The following TNFSF4 variants were observed in gnomAD, a reference collection of about 807,000 sequenced individuals.
The protein encoded by TNFSF4 is TNF superfamily member 4, also known as tumor necrosis factor ligand superfamily member 4.
TNFSF4 carries 4 observed loss-of-function variants against 7.3 expected under a neutral mutation model. The ratio of observed to expected loss-of-function variants is 0.55; its 90% CI spans 0.27 to 1.25. The LOEUF is 1.25. TNFSF4 is among the 50% of genes most tolerant of loss of function. The pLI is 0.12. For synonymous variants in TNFSF4, 76 were observed against 83.7 expected, an observed-to-expected ratio of 0.91 and a Z score of 0.50; for missense variants, 181 against 208.8, an observed-to-expected ratio of 0.87 and a Z score of 0.82.
rs751430969 is a variant in TNFSF4, at chr1:173,207,086, T to C, written c.91A>G (p.Ile31Val). The change falls in exon 1 of 3, where the codon ATT (isoleucine) becomes GTT (valine). Residue 31 changes from isoleucine (I) to valine (V), a missense_variant. By Grantham distance (29) the Ile-to-Val change is conservative. Coordinates refer to ENST00000281834, the MANE Select transcript of TNFSF4 (RefSeq NM_003326.5). ...CACAGGAGCAGCCCCAGTCCCTGAA[T>C]TACAGAGGCCACCAGCAATAGCTTG... ...RNKLLLVASV[I>V]QGLGLLLCFT... The C allele has an allele frequency of 4.3e-6, 7 of 1,613,766 alleles. No individual in the cohort carries two copies. In the East Asian group the frequency reaches 1.3e-4, roughly 31 times the overall value.
At chr1:173,412,359 C>T in the TNFSF4 span, among the ~76,000 whole-genome samples, 1 of 152,198 alleles carries the variant, frequency 6.6e-6, no homozygotes, top group Non-Finnish European at 1.5e-5. Context: ...GCAACAAAAA[C>T]ATTTTACTTC....
chr1:173,339,010 C>A, the TNFSF4 span, among the ~76,000 whole-genome samples: 2 of 152,066 alleles, frequency 1.3e-5, no homozygotes, highest in African/African-American at 4.8e-5. Flanking sequence ...TTAAGGTCAG[C>A]GGAAAACTAC....
At chr1:173,202,164 G>A (rs1011285539) in intron 1 of TNFSF4, among the ~76,000 whole-genome samples, 2 of 152,020 alleles carry the variant, frequency 1.3e-5, no homozygotes, top group African/African-American at 2.4e-5. Flanking sequence ...CTCAGTACTA[G>A]TAACCAGCAG....
At chr1:173,228,692 G>C in the TNFSF4 span, among the ~76,000 whole-genome samples, 1 of 152,168 alleles carries the variant, frequency 6.6e-6, no homozygotes, top group Non-Finnish European at 1.5e-5. Context: ...AAAAAGATTA[G>C]ATGAATGGCA....
At chr1:173,410,547 T>C in the TNFSF4 span, among the ~76,000 whole-genome samples, 2 of 152,364 alleles carry the variant, frequency 1.3e-5, no homozygotes, top group East Asian at 1.9e-4. Context: ...TGGTACCACC[T>C]TATTACTACC....
At chr1:173,400,450 TC>T in the TNFSF4 span, among the ~76,000 whole-genome samples, 1 of 152,204 alleles carries the variant, frequency 6.6e-6, no homozygotes. Flanking sequence ...AATGTTTCCT[TC>T]CTGTTCCTTC....
the TNFSF4 span, among the ~76,000 whole-genome samples, chr1:173,370,532 CCTT>C: frequency 1.0e-3 from 159 of 152,182 alleles, no homozygotes; most frequent in South Asian, 2.1e-4. Flanking sequence ...AGAAGAAAAT[CCTT>C]CTGCCTCCCT....
At chr1:173,374,457 T>C in the TNFSF4 span, among the ~76,000 whole-genome samples, 2 of 152,178 alleles carry the variant, frequency 1.3e-5, no homozygotes, top group African/African-American at 2.4e-5. Context: ...AGTTAAACTT[T>C]GGACACCCCC....
intron 1 of TNFSF4, among the ~76,000 whole-genome samples, chr1:173,203,451 T>C (rs1650037580): frequency 6.6e-6 from 1 of 152,206 alleles, no homozygotes. Context: ...AGGTCTATTG[T>C]TAAAAAAGAA....
the TNFSF4 span, among the ~76,000 whole-genome samples, chr1:173,406,888 C>T: frequency 1.3e-5 from 2 of 151,978 alleles, no homozygotes; most frequent in East Asian, 1.9e-4. Context: ...AGCCTGTGGC[C>T]GTGGGGTGAA....
chr1:173,316,295 C>A, the TNFSF4 span, among the ~76,000 whole-genome samples: 1 of 151,906 alleles, frequency 6.6e-6, no homozygotes, highest in African/African-American at 2.4e-5. Flanking sequence ...GTCAAAACAT[C>A]GTTTTTACCT....
At chr1:173,447,149 T>G in the TNFSF4 span, among the ~76,000 whole-genome samples, 1 of 152,140 alleles carries the variant, frequency 6.6e-6, no homozygotes. Flanking sequence ...GATTATATAT[T>G]GTATGATTCC....
chr1:173,342,766 G>A, the TNFSF4 span, among the ~76,000 whole-genome samples: 14 of 152,258 alleles, frequency 9.2e-5, no homozygotes, highest in East Asian at 5.8e-4. Flanking sequence ...GATGATAAAC[G>A]GGAACCAGGA....
intron 1 of TNFSF4, chr1:173,205,401 G>T: frequency 6.2e-7 from 1 of 1,605,966 alleles, no homozygotes; most frequent in Non-Finnish European, 8.5e-7. Flanking sequence ...TTGTTGGAAA[G>T]GATCCCCTCT....
At chr1:173,339,221 A>T in the TNFSF4 span, among the ~76,000 whole-genome samples, 1 of 152,066 alleles carries the variant, frequency 6.6e-6, no homozygotes, top group African/African-American at 2.4e-5. Flanking sequence ...TCTACAAAAA[A>T]AATTTTTTTA....
chr1:173,216,431 C>T, the TNFSF4 span, among the ~76,000 whole-genome samples: 4,223 of 152,168 alleles, frequency 0.028, 63 homozygotes, highest in Admixed American at 0.055. Context: ...ATTCCTTCCC[C>T]CAAAGGTAAT....
At chr1:173,210,005 T>A (rs778244574), upstream of TNFSF4, among the ~76,000 whole-genome samples, 1 of 151,858 alleles carries the variant, frequency 6.6e-6, no homozygotes, top group Non-Finnish European at 1.5e-5. Flanking sequence ...AGATACCTCA[T>A]GTTCAGAAAG....
chr1:173,445,171 A>T, the TNFSF4 span, among the ~76,000 whole-genome samples: 1 of 152,250 alleles, frequency 6.6e-6, no homozygotes, highest in African/African-American at 2.4e-5. Flanking sequence ...TTACAGCTAA[A>T]AACTCTGGAC....
At chr1:173,197,788 C>G (rs1232846288) in intron 1 of TNFSF4, among the ~76,000 whole-genome samples, 6 of 151,930 alleles carry the variant, frequency 3.9e-5, no homozygotes, top group Non-Finnish European at 7.4e-5. Flanking sequence ...ACACGTTTAC[C>G]TATGTAACAA....
Sources: gnomAD v4.1 joint callset for allele counts (sites outside exome capture counted in the v4.1 genomes callset) on GRCh38, gnomAD v4.1.1 for gene constraint, MANE v1.5 for transcripts, NCBI Gene and HGNC (gene_info 2026-07-23, HGNC 2026-07-21) for gene names.